Variants in RASSF3 observed in about 807,000 individuals in gnomAD.
RASSF3 encodes the protein ras association domain-containing protein 3.
In RASSF3, 19 loss-of-function variants were observed where a neutral mutation model predicts 19.9. The ratio of observed to expected loss-of-function variants is 0.96; its 90% CI spans 0.67 to 1.40. The LOEUF (loss-of-function observed/expected upper bound fraction) is 1.40. Ranked by LOEUF, RASSF3 falls within the 40% of genes most tolerant of loss-of-function variation. The pLI, the probability that RASSF3 is intolerant of heterozygous loss-of-function variation, is 0.00. For missense variants in RASSF3, 306 were observed against 289.8 expected, an observed-to-expected ratio of 1.06 and a Z score of -0.41; for synonymous variants, 110 against 104.2, an observed-to-expected ratio of 1.06 and a Z score of -0.34.
At chr12:64,612,522 C>T (rs187356659) in intron 1 of RASSF3, among the ~76,000 whole-genome samples, 1 of 147,720 alleles carries the variant, frequency 6.8e-6, no homozygotes, top group East Asian at 2.0e-4. Flanking sequence ...ACTGTGTTAC[C>T]CAGGCTGGAG....
At chr12:64,570,775 C>T (rs981662381) in intron 2 of RASSF3, among the ~76,000 whole-genome samples, 3 of 152,120 alleles carry the variant, frequency 2.0e-5, no homozygotes, top group South Asian at 2.1e-4. Flanking sequence ...GCATTTCTCA[C>T]GAGCTTTTTG....
At chr12:64,649,702 G>A (rs763895334) in intron 1 of RASSF3, among the ~76,000 whole-genome samples, 1 of 152,146 alleles carries the variant, frequency 6.6e-6, no homozygotes, top group Non-Finnish European at 1.5e-5. Flanking sequence ...TTCCAAAGTC[G>A]TCATGCTTAA....
chr12:64,612,297 TAG>T (rs1221972609), intron 1 of RASSF3, among the ~76,000 whole-genome samples: 1 of 152,188 alleles, frequency 6.6e-6, no homozygotes, highest in East Asian at 1.9e-4. Context: ...GAACTCATGG[TAG>T]TTTGAAGTTT....
chr12:64,693,633 G>A (rs922693059), intron 4 of RASSF3, among the ~76,000 whole-genome samples: 3 of 152,034 alleles, frequency 2.0e-5, no homozygotes, highest in African/African-American at 7.3e-5. Flanking sequence ...TGCCCAGGCT[G>A]GTCTCGAACT....
intron 1 of RASSF3, among the ~76,000 whole-genome samples, chr12:64,614,381 G>A (rs1419612870): frequency 6.6e-6 from 1 of 152,094 alleles, no homozygotes; most frequent in Non-Finnish European, 1.5e-5. Context: ...GCCCGCCTCG[G>A]CCTCCCAAAG....
intron 1 of RASSF3, among the ~76,000 whole-genome samples, chr12:64,624,860 G>A (rs1592428077): frequency 6.6e-6 from 1 of 150,646 alleles, no homozygotes; most frequent in Admixed American, 6.6e-5. Context: ...GTAGAGATGG[G>A]GTTTGACTGT....
intron 1 of RASSF3, among the ~76,000 whole-genome samples, chr12:64,613,865 T>C (rs1870458187): frequency 6.6e-6 from 1 of 152,020 alleles, no homozygotes; most frequent in Admixed American, 6.6e-5. Flanking sequence ...GGAGCATTGC[T>C]TAAGGCCGGG....
intron 1 of RASSF3, among the ~76,000 whole-genome samples, chr12:64,537,356 A>G (rs1316091654): frequency 6.6e-6 from 1 of 152,180 alleles, no homozygotes; most frequent in African/African-American, 2.4e-5. Flanking sequence ...CACAAACAGT[A>G]AGTTGAGGTT....
At chr12:64,615,262 T>A (rs2136157210) in intron 1 of RASSF3, among the ~76,000 whole-genome samples, 1 of 152,332 alleles carries the variant, frequency 6.6e-6, no homozygotes, top group East Asian at 1.9e-4. Context: ...TCTGTCAGAG[T>A]GTGTCTTACC....
chr12:64,671,126 A>G (rs1021645509), intron 1 of RASSF3, among the ~76,000 whole-genome samples: 3 of 152,196 alleles, frequency 2.0e-5, no homozygotes, highest in Non-Finnish European at 4.4e-5. Flanking sequence ...CCTTTGCCCC[A>G]TCCCAAGAAT....
At chr12:64,515,872 GA>G (rs1307907222) in intron 1 of RASSF3, among the ~76,000 whole-genome samples, 3 of 152,090 alleles carry the variant, frequency 2.0e-5, no homozygotes, top group Non-Finnish European at 2.9e-5. Context: ...TTTCAAGCTA[GA>G]AACACATGTC....
At position 64,581,281 on chromosome 12, in the gene RASSF3, T is replaced by C. The variant is rs11175459; in HGVS notation, c.294+39576T>C. On this transcript the variant is annotated intron_variant, in intron 2 of 5. Coordinates refer to the RASSF3 transcript ENST00000637125. ...CCCAGGGTTTGGACAATTCTGACTGTTGGCAGGGCTATCAGAGAAGAATTT... is the reference window on the plus strand; with the variant it reads ...CCCAGGGTTTGGACAATTCTGACTGCTGGCAGGGCTATCAGAGAAGAATTT... 3.6e-3 allele frequency among the ~76,000 whole-genome samples: 549 copies of C among 152,322 alleles called. 3 individuals carry two copies. The highest frequency in any genetic ancestry group is 0.012 in the African/African-American group (495 of 41,558).
At chr12:64,551,310 C>T (rs1269244764) in intron 2 of RASSF3, among the ~76,000 whole-genome samples, 1 of 152,182 alleles carries the variant, frequency 6.6e-6, no homozygotes, top group Non-Finnish European at 1.5e-5. Flanking sequence ...TTAATAGGCT[C>T]ACTCCTGTAA....
At chr12:64,678,291 C>T (rs1357738371) in intron 1 of RASSF3, among the ~76,000 whole-genome samples, 1 of 152,234 alleles carries the variant, frequency 6.6e-6, no homozygotes, top group Non-Finnish European at 1.5e-5. Context: ...TGTTGGTCAT[C>T]AGCAGGTGAC....
intron 1 of RASSF3, among the ~76,000 whole-genome samples, chr12:64,646,934 T>A (rs1195970981): frequency 6.6e-6 from 1 of 152,230 alleles, no homozygotes; most frequent in Non-Finnish European, 1.5e-5. Context: ...ATAAAGTATA[T>A]GTATCTTTGC....
chr12:64,526,834 C>T (rs1868599166), intron 1 of RASSF3, among the ~76,000 whole-genome samples: 1 of 152,248 alleles, frequency 6.6e-6, no homozygotes, highest in African/African-American at 2.4e-5. Context: ...GCGTGAGCCA[C>T]TGCACCTGGC....
chr12:64,516,475 CG>C (rs1405130871), intron 1 of RASSF3, among the ~76,000 whole-genome samples: 2 of 149,480 alleles, frequency 1.3e-5, no homozygotes, highest in African/African-American at 5.0e-5. Flanking sequence ...AAAAATTAGC[CG>C]GGCGTAGTGG....
chr12:64,694,681 C>A, intron 4 of RASSF3, 82 bp from the exon 5 acceptor site: 1 of 1,504,586 alleles, frequency 6.6e-7, no homozygotes, highest in South Asian at 1.2e-5. Context: ...GGCAGCCGCA[C>A]CTCTGGGAGC....
At chr12:64,593,292 G>T (rs1201194080) in intron 2 of RASSF3, among the ~76,000 whole-genome samples, 1 of 152,210 alleles carries the variant, frequency 6.6e-6, no homozygotes, top group Admixed American at 6.5e-5. Flanking sequence ...AGCTATCTCA[G>T]CTCACTGCAA....
Sources: gnomAD v4.1 joint callset for allele counts (sites outside exome capture counted in the v4.1 genomes callset) on GRCh38, gnomAD v4.1.1 for gene constraint, MANE v1.5 for transcripts, NCBI Gene and HGNC (gene_info 2026-07-23, HGNC 2026-07-21) for gene names.